The following FOXJ3 variants were observed in gnomAD, a reference collection of about 807,000 sequenced individuals.
FOXJ3 encodes the protein forkhead box protein J3.
Under a neutral mutation model 76.1 loss-of-function variants are expected in FOXJ3, and 22 were observed. The ratio of observed to expected loss-of-function variants is 0.29; its 90% CI spans 0.21 to 0.41. The LOEUF (loss-of-function observed/expected upper bound fraction) is 0.41, where lower values mean the gene tolerates loss of function less well. Among genes scored for constraint, FOXJ3 ranks in the 10% least tolerant of loss-of-function variants. The pLI is 1.00. For missense variants in FOXJ3, 613 were observed against 762.1 expected, an observed-to-expected ratio of 0.80 and a Z score of 2.30; for synonymous variants, 269 against 261.2, an observed-to-expected ratio of 1.03 and a Z score of -0.29.
At chr1:42,180,469 C>A (rs532475216) in intron 12 of FOXJ3, among the ~76,000 whole-genome samples, 27 of 152,148 alleles carry the variant, frequency 1.8e-4, no homozygotes, top group African/African-American at 5.1e-4. Context: ...ACAGACCCCC[C>A]CCTTCTAAAC....
chr1:42,237,427 T>TATATATATACACAC (rs1166082659), intron 4 of FOXJ3, among the ~76,000 whole-genome samples: 3 of 129,918 alleles, frequency 2.3e-5, no homozygotes, highest in African/African-American at 8.1e-5. Flanking sequence ...TATATATATA[T>TATATATATACACAC]ACATACATAC....
intron 5 of FOXJ3, among the ~76,000 whole-genome samples, chr1:42,212,250 A>G (rs1646979239): frequency 6.6e-6 from 1 of 152,260 alleles, no homozygotes; most frequent in Admixed American, 6.5e-5. Context: ...CTCCATTTCA[A>G]TAATAACATA....
intron 12 of FOXJ3, among the ~76,000 whole-genome samples, 166 bp from the exon 13 acceptor site, chr1:42,179,991 G>A (rs1569737513): frequency 6.6e-6 from 1 of 152,072 alleles, no homozygotes; most frequent in East Asian, 1.9e-4. Flanking sequence ...ATAGGTAAGG[G>A]GATACGGTTT....
intron 4 of FOXJ3, among the ~76,000 whole-genome samples, chr1:42,263,157 T>C (rs1263766805): frequency 4.6e-5 from 7 of 152,152 alleles, no homozygotes; most frequent in African/African-American, 1.7e-4. Context: ...ATATCTGTCT[T>C]ACCCCATATA....
intron 1 of FOXJ3, chr1:42,323,587 C>G (rs1367356856): frequency 2.6e-6 from 1 of 387,658 alleles, no homozygotes; most frequent in African/African-American, 2.2e-5. Context: ...AAGCTTTTGT[C>G]ATCATCATAA....
At chr1:42,207,881 A>C (rs1380360113) in intron 5 of FOXJ3, among the ~76,000 whole-genome samples, 3 of 152,194 alleles carry the variant, frequency 2.0e-5, no homozygotes, top group African/African-American at 7.2e-5. Flanking sequence ...AATAACTCTT[A>C]TTTATGCCTC....
chr1:42,245,618 C>A (rs189629193), intron 4 of FOXJ3, among the ~76,000 whole-genome samples: 2 of 152,258 alleles, frequency 1.3e-5, no homozygotes, highest in Admixed American at 1.3e-4. Context: ...TAAAATTCAA[C>A]GTCATTTCAT....
At chr1:42,313,737 GC>G (rs1553169518) in intron 1 of FOXJ3, among the ~76,000 whole-genome samples, 1 of 152,110 alleles carries the variant, frequency 6.6e-6, no homozygotes, top group Non-Finnish European at 1.5e-5. Flanking sequence ...GGAACCTGGC[GC>G]TAAACCACTC....
intron 3 of FOXJ3, 45 bp from the exon 4 acceptor site, chr1:42,265,234 A>C (rs539657977): frequency 5.0e-6 from 5 of 990,786 alleles, no homozygotes; most frequent in Non-Finnish European, 7.6e-6. Flanking sequence ...AAATCCAAAA[A>C]ACATAACCCA....
chr1:42,211,890 C>G (rs1180018740), intron 5 of FOXJ3, among the ~76,000 whole-genome samples: 1 of 152,136 alleles, frequency 6.6e-6, no homozygotes, highest in Non-Finnish European at 1.5e-5. Context: ...TCCTGGAGTA[C>G]TGGGGGTGAG....
intron 5 of FOXJ3, among the ~76,000 whole-genome samples, chr1:42,224,401 T>C (rs1317700620): frequency 1.3e-5 from 1 of 74,902 alleles, no homozygotes; most frequent in Non-Finnish European, 3.4e-5. Flanking sequence ...CTCATGTAAA[T>C]GGAGGGGACA....
At chr1:42,247,576 C>T (rs539695152) in intron 4 of FOXJ3, among the ~76,000 whole-genome samples, 29 of 152,196 alleles carry the variant, frequency 1.9e-4, no homozygotes, top group South Asian at 6.2e-4. Flanking sequence ...AAAACCATTA[C>T]AAAATGAGGT....
chr1:42,307,366 T>C (rs1654533950), intron 2 of FOXJ3, among the ~76,000 whole-genome samples: 2 of 152,216 alleles, frequency 1.3e-5, no homozygotes, highest in Non-Finnish European at 2.9e-5. Flanking sequence ...GTCATTTCTT[T>C]GGGGACTTTC....
chr1:42,325,809 A>C (rs1295838867), intron 1 of FOXJ3, among the ~76,000 whole-genome samples: 2 of 152,216 alleles, frequency 1.3e-5, no homozygotes, highest in African/African-American at 4.8e-5. Context: ...AGCAGAGCTA[A>C]ATGACCAACT....
Position 42,322,290 on chromosome 1 carries a change from G to A in FOXJ3, c.-17-11180C>T, listed in dbSNP as rs76516057. Among the ~76,000 whole-genome samples the A allele has an allele frequency of 7.1e-3, 1,085 of 152,112 alleles. 22 individuals carry two copies. The highest frequency in any genetic ancestry group is 0.025 in the African/African-American group (1,047 of 41,496). On this transcript the variant is annotated intron_variant, in intron 1 of 12. Transcript: ENST00000361346. ...TAAAGAGATGTTTTTAAAGAATCAGGACATTTTATTATGAACTGGATATTA... is the reference window on the plus strand; with the variant it reads ...TAAAGAGATGTTTTTAAAGAATCAGAACATTTTATTATGAACTGGATATTA...
Position 42,191,348 on chromosome 1 carries a change from T to C in FOXJ3, c.1306A>G (p.Thr436Ala), listed in dbSNP as rs1482844393. Residue 436 changes from threonine (T) to alanine (A), a missense_variant, in exon 9 of 13, where the codon ACA (threonine) becomes GCA (alanine). Transcript: ENST00000361346. ...HHPNHQHQTL[T>A]HQAPPPPQQV... Reference sequence around the variant, plus strand: ...TGTGGGGGTGGGGGTGCCTGATGTGTTAACGTCTGATGCTGATGGTTCGGA... The same window carrying C: ...TGTGGGGGTGGGGGTGCCTGATGTGCTAACGTCTGATGCTGATGGTTCGGA... 2 of 1,572,962 alleles carry C rather than the reference T, an allele frequency of 1.3e-6. No individual in the cohort carries two copies. Among genetic ancestry groups the C allele is most frequent in the South Asian group, 2.3e-5 (2 of 85,340 alleles).
At chr1:42,330,359 T>A (rs1656082969) in intron 1 of FOXJ3, among the ~76,000 whole-genome samples, 1 of 152,218 alleles carries the variant, frequency 6.6e-6, no homozygotes, top group Admixed American at 6.5e-5. Flanking sequence ...ATCAGTGGGC[T>A]GACTGCAGTG....
At chr1:42,237,929 C>CACACACACACATATATATAG (rs1648825993) in intron 4 of FOXJ3, among the ~76,000 whole-genome samples, 1 of 149,338 alleles carries the variant, frequency 6.7e-6, no homozygotes, top group Non-Finnish European at 1.5e-5. Flanking sequence ...CACACACACA[C>CACACACACACATATATATAG]ACACACACAC....
chr1:42,292,397 C>T (rs1186505460), intron 2 of FOXJ3, among the ~76,000 whole-genome samples: 1 of 152,110 alleles, frequency 6.6e-6, no homozygotes, highest in East Asian at 1.9e-4. Context: ...TAGCCAAAAA[C>T]TGAAAACAAT....
Sources: allele counts gnomAD v4.1 joint callset (sites outside exome capture counted in the v4.1 genomes callset), GRCh38; gene constraint gnomAD v4.1.1; transcripts MANE v1.5; gene names NCBI Gene and HGNC (gene_info 2026-07-23, HGNC 2026-07-21).